TEX11: variants seen among roughly 807,000 people sequenced by gnomAD.
TEX11 encodes testis expressed 11.
In TEX11, 7 loss-of-function variants were observed where a neutral mutation model predicts 84.4. That is an observed-to-expected ratio of 0.08 (90% CI 0.05 to 0.16). The LOEUF is 0.16. Among genes scored for constraint, TEX11 ranks in the 10% least tolerant of loss-of-function variants. The probability of loss-of-function intolerance (pLI) is 1.00; values close to 1 mark genes in which losing one functional copy is unlikely to be tolerated. For synonymous variants in TEX11, 264 were observed against 222.8 expected, an observed-to-expected ratio of 1.18 and a Z score of -1.64; for missense variants, 551 against 660.5, an observed-to-expected ratio of 0.83 and a Z score of 1.82.
Position 70,725,289 on chromosome X carries a change from C to T in TEX11, c.898G>A (p.Glu300Lys), listed in dbSNP as rs575754903. The T allele has an allele frequency of 4.5e-4, 544 of 1,197,780 alleles. 3 individuals carry two copies. In the South Asian group the frequency reaches 8.1e-3, roughly 18 times the overall value. Residue 300 changes from glutamate to lysine, a missense_variant, in exon 12 of 30, where the codon GAA becomes AAA. Coordinates refer to ENST00000374333, the MANE Select transcript of TEX11 (RefSeq NM_031276.3). ...FLKMKILLKGETSNEELLEAV... is the reference protein window; with the variant it reads ...FLKMKILLKGKTSNEELLEAV... ...TCAAGGAGTTCTTCATTAGATGTTT[C>T]GCCTTTCAAGAGGATTTTCATTTTT...
intron 2 of TEX11, among the ~76,000 whole-genome samples, chrX:70,896,014 G>A (rs1257143584): frequency 8.9e-6 from 1 of 112,161 alleles, no homozygotes; most frequent in Non-Finnish European, 1.9e-5. Context: ...AGCCAAAATT[G>A]ACAAATTGAA....
At chrX:70,800,780 C>T (rs776835105) in intron 9 of TEX11, among the ~76,000 whole-genome samples, 1 of 106,102 alleles carries the variant, frequency 9.4e-6, no homozygotes, top group Non-Finnish European at 1.9e-5. Flanking sequence ...GCAGCCTCGA[C>T]CTCCTGGGTT....
At chrX:70,825,851 C>T (rs1196700693) in intron 8 of TEX11, among the ~76,000 whole-genome samples, 1 of 110,519 alleles carries the variant, frequency 9.0e-6, no homozygotes, top group African/African-American at 3.3e-5. Context: ...GTGGCAGGAG[C>T]CTGTAATCCC....
chrX:70,844,122 A>C (rs1280648401), intron 7 of TEX11, among the ~76,000 whole-genome samples: 2 of 110,377 alleles, frequency 1.8e-5, no homozygotes, highest in Non-Finnish European at 3.8e-5. Flanking sequence ...TATATACCCA[A>C]AGGATTATAA....
Sources: allele counts gnomAD v4.1 joint callset (sites outside exome capture counted in the v4.1 genomes callset), GRCh38; gene constraint gnomAD v4.1.1; transcripts MANE v1.5; gene names NCBI Gene and HGNC (gene_info 2026-07-23, HGNC 2026-07-21).